The following GPC6 variants were observed in gnomAD, a reference collection of about 807,000 sequenced individuals.
The protein encoded by GPC6 is glypican 6.
Under a neutral mutation model 55.2 loss-of-function variants are expected in GPC6, and 14 were observed. That is an observed-to-expected ratio of 0.25 (90% CI 0.17 to 0.40). The LOEUF (loss-of-function observed/expected upper bound fraction) is 0.40. Ranked by LOEUF, GPC6 falls within the 10% of genes least tolerant of loss-of-function variation. The pLI is 1.00. For synonymous variants in GPC6, 278 were observed against 259.6 expected (o/e 1.07, Z -0.68); for missense variants, 641 against 708.5 (o/e 0.90, Z 1.08).
At chr13:93,756,481 A>G (rs1451996723) in intron 2 of GPC6, among the ~76,000 whole-genome samples, 2 of 152,238 alleles carry the variant, frequency 1.3e-5, no homozygotes, top group East Asian at 3.9e-4. Context: ...TGGCCACCAT[A>G]TAATTCCTGT....
At chr13:94,280,332 T>A (rs1892339933) in intron 4 of GPC6, among the ~76,000 whole-genome samples, 1 of 152,166 alleles carries the variant, frequency 6.6e-6, no homozygotes, top group Non-Finnish European at 1.5e-5. Flanking sequence ...GCCTGGGTAA[T>A]TTCTAGTCCT....
intron 3 of GPC6, among the ~76,000 whole-genome samples, chr13:94,003,135 C>T (rs1432101878): frequency 6.6e-6 from 1 of 152,076 alleles, no homozygotes; most frequent in African/African-American, 2.4e-5. Flanking sequence ...TGGTCAATAA[C>T]AAGTCTCAGG....
intron 8 of GPC6, among the ~76,000 whole-genome samples, chr13:94,402,274 T>C (rs961566813): frequency 7.2e-5 from 11 of 152,372 alleles, no homozygotes; most frequent in Admixed American, 4.6e-4. Flanking sequence ...GGTATCTTCC[T>C]AGAGCAATGG....
intron 1 of GPC6, among the ~76,000 whole-genome samples, chr13:93,357,076 C>T (rs926265108): frequency 6.6e-6 from 1 of 152,134 alleles, no homozygotes. Flanking sequence ...TAGTGTATAA[C>T]CCAGTTTCCT....
intron 3 of GPC6, among the ~76,000 whole-genome samples, chr13:93,895,059 C>A (rs1875908425): frequency 2.0e-5 from 3 of 149,814 alleles, no homozygotes; most frequent in South Asian, 2.1e-4. Flanking sequence ...CGTCTTACAG[C>A]AAATATATAT....
At chr13:93,826,987 C>T (rs1887284782) in intron 2 of GPC6, among the ~76,000 whole-genome samples, 1 of 152,158 alleles carries the variant, frequency 6.6e-6, no homozygotes, top group Non-Finnish European at 1.5e-5. Context: ...AAAATCTTCC[C>T]AGAGGCTAAT....
At chr13:94,308,426 A>T (rs1876067933) in intron 6 of GPC6, among the ~76,000 whole-genome samples, 1 of 152,238 alleles carries the variant, frequency 6.6e-6, no homozygotes, top group African/African-American at 2.4e-5. Flanking sequence ...ATAGACAAGT[A>T]GCAAACAGAA....
intron 3 of GPC6, among the ~76,000 whole-genome samples, chr13:94,000,990 A>G (rs1343325656): frequency 6.6e-6 from 1 of 152,170 alleles, no homozygotes; most frequent in Non-Finnish European, 1.5e-5. Flanking sequence ...AGTAAATGCC[A>G]CTATTTCTGG....
At chr13:94,232,615 T>C (rs1890764900) in intron 4 of GPC6, among the ~76,000 whole-genome samples, 1 of 152,176 alleles carries the variant, frequency 6.6e-6, no homozygotes, top group South Asian at 2.1e-4. Flanking sequence ...TCTATAACTT[T>C]CCTATTTTAC....
intron 1 of GPC6, among the ~76,000 whole-genome samples, chr13:93,367,166 C>T (rs989366124): frequency 6.6e-6 from 1 of 152,034 alleles, no homozygotes; most frequent in African/African-American, 2.4e-5. Flanking sequence ...ATTCAGAATA[C>T]CTACTGTAAG....
chr13:94,300,309 C>T (rs1179868758), intron 5 of GPC6, among the ~76,000 whole-genome samples: 1 of 152,164 alleles, frequency 6.6e-6, no homozygotes, highest in Admixed American at 6.5e-5. Context: ...CTACATGTGC[C>T]TCCAAAAGAG....
At chr13:94,194,879 G>A (rs1397560485) in intron 4 of GPC6, among the ~76,000 whole-genome samples, 1 of 151,814 alleles carries the variant, frequency 6.6e-6, no homozygotes, top group Non-Finnish European at 1.5e-5. Flanking sequence ...GTGTGTTTGT[G>A]TGTGTGTATC....
At chr13:93,785,942 A>G (rs1354404693) in intron 2 of GPC6, among the ~76,000 whole-genome samples, 1 of 152,194 alleles carries the variant, frequency 6.6e-6, no homozygotes. Flanking sequence ...AGGGTGGGCA[A>G]CAGGCCCTGT....
At chr13:93,324,971 C>T (rs1250179937) in intron 1 of GPC6, among the ~76,000 whole-genome samples, 3 of 152,000 alleles carry the variant, frequency 2.0e-5, no homozygotes, top group Non-Finnish European at 2.9e-5. Context: ...AGCGTGAAAC[C>T]TACCCCTCTA....
At chr13:93,933,188 G>C (rs1878271370) in intron 3 of GPC6, among the ~76,000 whole-genome samples, 1 of 152,062 alleles carries the variant, frequency 6.6e-6, no homozygotes, top group East Asian at 1.9e-4. Flanking sequence ...GTGGTTCTCA[G>C]CCAGAAGTGA....
chr13:93,255,269 A>G (rs1482499296), intron 1 of GPC6, among the ~76,000 whole-genome samples: 1 of 152,190 alleles, frequency 6.6e-6, no homozygotes, highest in African/African-American at 2.4e-5. Context: ...TAATACATTC[A>G]TAAACCTTGT....
chr13:93,976,459 A>G (rs1214584338), intron 3 of GPC6, among the ~76,000 whole-genome samples: 1 of 152,002 alleles, frequency 6.6e-6, no homozygotes, highest in Non-Finnish European at 1.5e-5. Flanking sequence ...CCTAAAACCA[A>G]GGACAAATGA....
intron 4 of GPC6, among the ~76,000 whole-genome samples, chr13:94,250,995 G>A (rs1434125060): frequency 1.3e-5 from 2 of 152,068 alleles, no homozygotes; most frequent in Non-Finnish European, 1.5e-5. Flanking sequence ...AGGGGAGATG[G>A]AATTGCCTGA....
At chr13:93,562,434 C>A (rs1383547669) in intron 2 of GPC6, among the ~76,000 whole-genome samples, 1 of 152,120 alleles carries the variant, frequency 6.6e-6, no homozygotes, top group Non-Finnish European at 1.5e-5. Context: ...AGAAAGACAA[C>A]TAGATCTTAA....
Sources: gnomAD v4.1 joint callset for allele counts (sites outside exome capture counted in the v4.1 genomes callset) on GRCh38, gnomAD v4.1.1 for gene constraint, MANE v1.5 for transcripts, NCBI Gene and HGNC (gene_info 2026-07-23, HGNC 2026-07-21) for gene names.